WAC: variants seen among roughly 807,000 people sequenced by gnomAD.
WAC encodes the protein WW domain-containing adapter protein with coiled-coil.
WAC carries 11 observed loss-of-function variants against 79.6 expected under a neutral mutation model. The ratio of observed to expected loss-of-function variants is 0.14; its 90% CI spans 0.09 to 0.23. WAC has a LOEUF of 0.23. Ranked by LOEUF, WAC falls within the 10% of genes least tolerant of loss-of-function variation. WAC has a pLI of 1.00. For synonymous variants in WAC, 304 were observed against 276.9 expected (o/e 1.10, Z -0.97); for missense variants, 728 against 773.5 (o/e 0.94, Z 0.70).
At chr10:28,533,804 C>T in intron 1 of WAC, 184 bp downstream of exon 1, 1 of 991,596 alleles carries the variant, frequency 1.0e-6, no homozygotes, top group Non-Finnish European at 1.5e-6. Flanking sequence ...GGAGCGGGGG[C>T]CCGGCTTCGC....
chr10:28,619,353 T>C (rs941747648), intron 13 of WAC, among the ~76,000 whole-genome samples, 184 bp from the exon 14 acceptor site: 9 of 152,212 alleles, frequency 5.9e-5, no homozygotes, highest in African/African-American at 1.2e-4. Flanking sequence ...TTAATAGATA[T>C]TATGTATTAA....
In WAC at chr10:28,608,206, C is replaced by A; in HGVS notation, c.940C>A (p.Pro314Thr). Residue 314 changes from proline to threonine, a missense_variant, in exon 8 of 14, where the codon CCC (proline) becomes ACC (threonine). Pro to Thr is a conservative substitution (Grantham distance 38, BLOSUM62 -1). Coordinates refer to ENST00000354911, the MANE Select transcript of WAC (RefSeq NM_016628.5). ...ERKESTSGDK[P>T]VSHSCTTPST... Reference sequence around the variant, plus strand: ...TTTAGAATCTACATCAGGAGACAAACCCGTATCACATTCTTGCACAACTCC... The same window carrying A: ...TTTAGAATCTACATCAGGAGACAAAACCGTATCACATTCTTGCACAACTCC... 6.2e-7 allele frequency: 1 copy of A among 1,614,120 alleles called. No homozygotes were observed. The highest frequency in any genetic ancestry group is 8.5e-7 in the Non-Finnish European group (1 of 1,180,034).
At chr10:28,613,145 A>G (rs761509514) in intron 10 of WAC, among the ~76,000 whole-genome samples, 1 of 152,170 alleles carries the variant, frequency 6.6e-6, no homozygotes, top group Non-Finnish European at 1.5e-5. Flanking sequence ...AGGCAGGCAG[A>G]TCACTTGAGG....
intron 3 of WAC, among the ~76,000 whole-genome samples, chr10:28,572,107 G>A (rs574880545): frequency 6.6e-6 from 1 of 152,250 alleles, no homozygotes; most frequent in Non-Finnish European, 1.5e-5. Flanking sequence ...GGGAGGCCGA[G>A]GCGGGTGGAT....
chr10:28,557,002 T>C (rs1337194357), intron 3 of WAC, among the ~76,000 whole-genome samples: 2 of 152,148 alleles, frequency 1.3e-5, no homozygotes, highest in Admixed American at 1.3e-4. Flanking sequence ...TACCTCCAGC[T>C]TTGTTCTTTC....
intron 13 of WAC, among the ~76,000 whole-genome samples, chr10:28,618,385 A>G (rs1312338451): frequency 6.6e-6 from 1 of 152,206 alleles, no homozygotes; most frequent in Non-Finnish European, 1.5e-5. Flanking sequence ...GAATCTTGTC[A>G]AGAAACCATA....
chr10:28,556,536 T>C (rs1838006165), intron 3 of WAC, among the ~76,000 whole-genome samples: 1 of 151,918 alleles, frequency 6.6e-6, no homozygotes, highest in South Asian at 2.1e-4. Context: ...TTTTTTTCTT[T>C]TTTTCGTGCA....
chr10:28,596,367 T>C (rs1297535469), intron 7 of WAC, among the ~76,000 whole-genome samples: 1 of 152,230 alleles, frequency 6.6e-6, no homozygotes, highest in Non-Finnish European at 1.5e-5. Context: ...CTTGACAGTT[T>C]AGTTTATAAA....
intron 6 of WAC, among the ~76,000 whole-genome samples, chr10:28,593,328 T>A (rs911794741): frequency 1.3e-5 from 2 of 152,148 alleles, no homozygotes; most frequent in Non-Finnish European, 2.9e-5. Context: ...TAAAGCTTGT[T>A]CTTGACTACC....
intron 7 of WAC, among the ~76,000 whole-genome samples, chr10:28,604,701 C>A (rs890434914): frequency 6.6e-6 from 1 of 152,174 alleles, no homozygotes; most frequent in African/African-American, 2.4e-5. Flanking sequence ...GCCTGGGTGA[C>A]AGAGAACGAC....
intron 3 of WAC, among the ~76,000 whole-genome samples, chr10:28,579,334 T>G (rs1466755474): frequency 1.3e-5 from 2 of 152,158 alleles, no homozygotes; most frequent in African/African-American, 2.4e-5. Flanking sequence ...CAATGCTGTT[T>G]ATACAGTAAA....
intron 3 of WAC, among the ~76,000 whole-genome samples, chr10:28,542,765 G>A (rs931384040): frequency 6.6e-6 from 1 of 152,236 alleles, no homozygotes; most frequent in Non-Finnish European, 1.5e-5. Flanking sequence ...GATGTAGCTA[G>A]TGTTTCTCAC....
At chr10:28,555,127 T>TC (rs1837910121) in intron 3 of WAC, among the ~76,000 whole-genome samples, 1 of 152,156 alleles carries the variant, frequency 6.6e-6, no homozygotes, top group South Asian at 2.1e-4. Flanking sequence ...ATCTTGAGCC[T>TC]CCTCCTTAAC....
At chr10:28,594,857 TTGAA>T (rs1056384593) in intron 6 of WAC, among the ~76,000 whole-genome samples, 5 of 152,238 alleles carry the variant, frequency 3.3e-5, no homozygotes, top group East Asian at 3.8e-4. Flanking sequence ...ATTGGACACT[TTGAA>T]TGAACTTCAA....
intron 10 of WAC, among the ~76,000 whole-genome samples, chr10:28,613,308 T>C (rs368451863): frequency 6.6e-6 from 1 of 152,142 alleles, no homozygotes; most frequent in African/African-American, 2.4e-5. Context: ...GGAGGTGCAG[T>C]TGAGCCAAGA....
At chr10:28,589,945 T>C (rs1373516299) in intron 5 of WAC, 94 bp downstream of exon 5, 18 of 896,294 alleles carry the variant, frequency 2.0e-5, no homozygotes, top group Non-Finnish European at 1.1e-5. Flanking sequence ...TTAGCTTTTT[T>C]ATAGTGCTGC....
chr10:28,543,494 C>A (rs1837175738), intron 3 of WAC, among the ~76,000 whole-genome samples: 1 of 152,194 alleles, frequency 6.6e-6, no homozygotes, highest in African/African-American at 2.4e-5. Flanking sequence ...TGTTTAATTG[C>A]CACATGTGAA....
intron 12 of WAC, among the ~76,000 whole-genome samples, chr10:28,616,738 A>G (rs940678214): frequency 6.6e-6 from 1 of 152,228 alleles, no homozygotes; most frequent in Admixed American, 6.5e-5. Context: ...AAGCCAGTGT[A>G]CTTTTTCCAC....
intron 3 of WAC, among the ~76,000 whole-genome samples, chr10:28,560,750 T>A (rs746590117): frequency 2.6e-5 from 4 of 152,144 alleles, no homozygotes; most frequent in Non-Finnish European, 5.9e-5. Flanking sequence ...GCAAACGTAG[T>A]AGTATTCAAG....
Sources: gnomAD v4.1 joint callset for allele counts (sites outside exome capture counted in the v4.1 genomes callset) on GRCh38, gnomAD v4.1.1 for gene constraint, MANE v1.5 for transcripts, NCBI Gene and HGNC (gene_info 2026-07-23, HGNC 2026-07-21) for gene names.